CRB1: variants seen among roughly 807,000 people sequenced by gnomAD.
CRB1 encodes protein crumbs homolog 1.
Under a neutral mutation model 120.0 loss-of-function variants are expected in CRB1, and 83 were observed. The ratio of observed to expected loss-of-function variants is 0.69; its 90% CI spans 0.58 to 0.83. CRB1 has a LOEUF of 0.83. Ranked by LOEUF, CRB1 falls within the 40% of genes least tolerant of loss-of-function variation. CRB1 has a pLI of 0.00. For missense variants in CRB1, 1,699 were observed against 1,687.6 expected, an observed-to-expected ratio of 1.01 and a Z score of -0.12; for synonymous variants, 625 against 612.5, an observed-to-expected ratio of 1.02 and a Z score of -0.30.
At chr1:197,398,890 GA>G (rs1464139793) in intron 5 of CRB1, among the ~76,000 whole-genome samples, 9 of 124,012 alleles carry the variant, frequency 7.3e-5, no homozygotes, top group African/African-American at 2.1e-4. Flanking sequence ...GTCAGGAAAT[GA>G]TTGTGTGTGT....
chr1:197,362,321 A>C (rs1298175669), intron 5 of CRB1, among the ~76,000 whole-genome samples: 1 of 152,120 alleles, frequency 6.6e-6, no homozygotes, highest in African/African-American at 2.4e-5. Context: ...AAATTAAAAA[A>C]CAACATGTGT....
intron 11 of CRB1, among the ~76,000 whole-genome samples, chr1:197,460,584 A>G (rs1227888243): frequency 6.6e-6 from 1 of 152,090 alleles, no homozygotes; most frequent in Non-Finnish European, 1.5e-5. Context: ...TTTAGTTCTA[A>G]CCATCATAGT....
chr1:197,358,507 A>G (rs1263188044), intron 5 of CRB1, among the ~76,000 whole-genome samples: 1 of 152,206 alleles, frequency 6.6e-6, no homozygotes, highest in Non-Finnish European at 1.5e-5. Context: ...AGGAATGACT[A>G]TATGAGTTAA....
chr1:197,389,574 T>C (rs1034767653), intron 5 of CRB1, among the ~76,000 whole-genome samples: 3 of 152,112 alleles, frequency 2.0e-5, no homozygotes, highest in Non-Finnish European at 4.4e-5. Context: ...TGAGTAGTTT[T>C]TCATTTGGAA....
At chr1:197,382,330 T>A (rs1037923617) in intron 5 of CRB1, among the ~76,000 whole-genome samples, 68 of 152,314 alleles carry the variant, frequency 4.5e-4, no homozygotes, top group African/African-American at 1.3e-3. Flanking sequence ...GGCTCATGAC[T>A]GTATTTCCAA....
intron 1 of CRB1, among the ~76,000 whole-genome samples, chr1:197,308,142 A>T (rs1467744334): frequency 1.2e-4 from 18 of 152,228 alleles, no homozygotes; most frequent in Admixed American, 1.2e-3. Context: ...AGCAACATGG[A>T]TGGAGCTGGA....
intron 2 of CRB1, among the ~76,000 whole-genome samples, chr1:197,334,262 A>C (rs1243312143): frequency 6.6e-6 from 1 of 152,222 alleles, no homozygotes; most frequent in African/African-American, 2.4e-5. Flanking sequence ...CCATGAGGCA[A>C]GGAAACACAA....
chr1:197,337,731 G>T (rs1458946280), intron 2 of CRB1, among the ~76,000 whole-genome samples: 2 of 151,756 alleles, frequency 1.3e-5, no homozygotes, highest in African/African-American at 2.4e-5. Context: ...ATTATTTTTT[G>T]AATACTGTTA....
chr1:197,471,150 G>A (rs6428402), intron 11 of CRB1, among the ~76,000 whole-genome samples: 143,059 of 152,136 alleles, frequency 0.94, 67,905 homozygotes, highest in South Asian at 1. Context: ...CCCAGGAAGC[G>A]TCTTCCAGGC....
chr1:197,230,560 A>T, the CRB1 span, among the ~76,000 whole-genome samples: 1 of 152,278 alleles, frequency 6.6e-6, no homozygotes. Context: ...TGGCAAATTT[A>T]CTATCTGATA....
chr1:197,352,857 A>G (rs1475792334), intron 4 of CRB1, among the ~76,000 whole-genome samples: 1 of 152,168 alleles, frequency 6.6e-6, no homozygotes, highest in Non-Finnish European at 1.5e-5. Flanking sequence ...AACTAATACA[A>G]AATGAGCAAA....
the CRB1 span, among the ~76,000 whole-genome samples, chr1:197,250,775 G>A: frequency 6.6e-6 from 1 of 152,000 alleles, no homozygotes. Context: ...TCCTAGGACA[G>A]TAGCTTACTG....
chr1:197,340,571 G>A (rs567421908), intron 2 of CRB1, among the ~76,000 whole-genome samples: 1 of 152,220 alleles, frequency 6.6e-6, no homozygotes, highest in Non-Finnish European at 1.5e-5. Flanking sequence ...GACATGATGA[G>A]GGTTGAATTA....
Position 197,477,939 on chromosome 1 carries a change from A to G in CRB1, c.*60A>G. The G allele has an allele frequency of 6.6e-7, 1 of 1,513,354 alleles. No homozygotes were observed. Among genetic ancestry groups the G allele is most frequent in the Non-Finnish European group, 9.2e-7 (1 of 1,088,606 alleles). 93.7% of individuals were successfully genotyped at this position (1,513,354 alleles called of 1,614,324 possible). A position where few individuals can be genotyped will look rare whatever the true frequency, so the allele number is the denominator to read the frequency against. ...ACTGTGAATGTGATGACTGTACTTC[A>G]GGTATCTCTGACATACCTGACAATG... On this transcript the variant is annotated 3_prime_UTR_variant, in exon 12 of 12. Transcript: ENST00000367400.
At chr1:197,238,809 A>C in the CRB1 span, among the ~76,000 whole-genome samples, 1 of 152,180 alleles carries the variant, frequency 6.6e-6, no homozygotes, top group Non-Finnish European at 1.5e-5. Context: ...ATACCACTGC[A>C]CTACAGCCTG....
chr1:197,331,984 C>A (rs1268694163), intron 2 of CRB1, among the ~76,000 whole-genome samples: 1 of 151,838 alleles, frequency 6.6e-6, no homozygotes, highest in African/African-American at 2.4e-5. Flanking sequence ...ACCACACTGG[C>A]CAACATGGTG....
chr1:197,228,137 A>G, the CRB1 span, among the ~76,000 whole-genome samples: 6 of 152,170 alleles, frequency 3.9e-5, no homozygotes, highest in Admixed American at 2.0e-4. Context: ...ATGAAGACCT[A>G]TGACATTCCC....
intron 1 of CRB1, among the ~76,000 whole-genome samples, chr1:197,291,818 T>G (rs1226912893): frequency 2.0e-5 from 3 of 151,898 alleles, no homozygotes; most frequent in Non-Finnish European, 4.4e-5. Context: ...TAATGCTCTT[T>G]GCTTTCCCAT....
chr1:197,291,940 C>T lies in CRB1; in HGVS notation c.70+23458C>T, dbSNP rs182216500. ...GCAGTGTGTAGAGGGAAATATATAG[C>T]ACTAAATGCCCACAAGAGAAAGCAG... On this transcript the variant is annotated intron_variant, in intron 1 of 11. Transcript: ENST00000367400. Among the ~76,000 whole-genome samples the T allele has an allele frequency of 1.3e-3, 199 of 152,080 alleles. 2 individuals carry two copies. Among genetic ancestry groups the T allele is most frequent in the African/African-American group, 4.5e-3 (187 of 41,520 alleles).
Sources: gnomAD v4.1 joint callset for allele counts (sites outside exome capture counted in the v4.1 genomes callset) on GRCh38, gnomAD v4.1.1 for gene constraint, MANE v1.5 for transcripts, NCBI Gene and HGNC (gene_info 2026-07-23, HGNC 2026-07-21) for gene names.